AHCYL2: variants seen among roughly 807,000 people sequenced by gnomAD.
AHCYL2 encodes adenosylhomocysteinase like 2.
A neutral mutation model predicts 81.4 loss-of-function variants in AHCYL2; 28 were observed. The ratio of observed to expected loss-of-function variants is 0.34; its 90% CI spans 0.25 to 0.47. AHCYL2 has a LOEUF of 0.47. AHCYL2 is among the 20% of genes least tolerant of loss of function. The pLI is 1.00. For synonymous variants in AHCYL2, 272 were observed against 290.2 expected, an observed-to-expected ratio of 0.94 and a Z score of 0.64; for missense variants, 551 against 785.1, an observed-to-expected ratio of 0.70 and a Z score of 3.56.
chr7:129,310,575 T>C (rs953719442), intron 1 of AHCYL2, among the ~76,000 whole-genome samples: 1 of 152,218 alleles, frequency 6.6e-6, no homozygotes, highest in Non-Finnish European at 1.5e-5. Context: ...TGTTAAATGC[T>C]ATACAGATGT....
chr7:129,382,770 G>A (rs879309280), intron 2 of AHCYL2, among the ~76,000 whole-genome samples: 2 of 151,808 alleles, frequency 1.3e-5, no homozygotes, highest in Non-Finnish European at 2.9e-5. Context: ...GCCAGGTGTG[G>A]TGGCACATGC....
intron 1 of AHCYL2, among the ~76,000 whole-genome samples, chr7:129,372,008 G>GT (rs1245638583): frequency 6.6e-6 from 1 of 152,168 alleles, no homozygotes; most frequent in African/African-American, 2.4e-5. Context: ...GTCAGGATTG[G>GT]TGCTTAAAAC....
intron 1 of AHCYL2, among the ~76,000 whole-genome samples, chr7:129,299,924 C>G (rs1047677353): frequency 2.6e-5 from 4 of 152,096 alleles, no homozygotes; most frequent in Non-Finnish European, 5.9e-5. Context: ...AAGGAGAAGA[C>G]TCTTTTTAAA....
intron 1 of AHCYL2, among the ~76,000 whole-genome samples, chr7:129,239,612 T>A (rs1794772139): frequency 6.6e-6 from 1 of 152,016 alleles, no homozygotes; most frequent in Non-Finnish European, 1.5e-5. Context: ...TGTGCCCAGC[T>A]TCATGCTTCT....
chr7:129,267,697 A>C (rs557084047), intron 1 of AHCYL2, among the ~76,000 whole-genome samples: 104 of 152,280 alleles, frequency 6.8e-4, no homozygotes, highest in Non-Finnish European at 3.1e-4. Context: ...TAATCAGGCT[A>C]TTGTAATTAT....
intron 1 of AHCYL2, among the ~76,000 whole-genome samples, chr7:129,317,352 A>G (rs1311324675): frequency 6.6e-6 from 1 of 152,184 alleles, no homozygotes; most frequent in Non-Finnish European, 1.5e-5. Flanking sequence ...GTCAGTGTGG[A>G]TCCTCCAAGA....
chr7:129,316,062 A>T (rs1395989663), intron 1 of AHCYL2, among the ~76,000 whole-genome samples: 1 of 152,182 alleles, frequency 6.6e-6, no homozygotes, highest in South Asian at 2.1e-4. Context: ...TTGAAATGTG[A>T]TCTAGCAGTC....
intron 1 of AHCYL2, among the ~76,000 whole-genome samples, chr7:129,265,179 A>C (rs1424471544): frequency 6.6e-6 from 1 of 152,198 alleles, no homozygotes; most frequent in East Asian, 1.9e-4. Flanking sequence ...CATTGTTCTT[A>C]GTATGCTGCT....
At chr7:129,369,712 C>T (rs763904606) in intron 1 of AHCYL2, among the ~76,000 whole-genome samples, 15 of 152,056 alleles carry the variant, frequency 9.9e-5, no homozygotes, top group Admixed American at 1.3e-4. Context: ...ACCACCATAC[C>T]GGGTAATTTT....
chr7:129,311,577 C>A (rs890457969), intron 1 of AHCYL2, among the ~76,000 whole-genome samples: 1 of 152,020 alleles, frequency 6.6e-6, no homozygotes, highest in Non-Finnish European at 1.5e-5. Context: ...AACCCCACCC[C>A]CCACCGCGCC....
At chr7:129,359,000 T>C (rs1793840901) in intron 1 of AHCYL2, among the ~76,000 whole-genome samples, 1 of 152,170 alleles carries the variant, frequency 6.6e-6, no homozygotes, top group Non-Finnish European at 1.5e-5. Flanking sequence ...GTTCCCCTCC[T>C]AGATATATAT....
intron 1 of AHCYL2, among the ~76,000 whole-genome samples, chr7:129,351,330 CTT>C (rs929943716): frequency 2.6e-5 from 4 of 152,226 alleles, no homozygotes; most frequent in Admixed American, 2.6e-4. Context: ...GCCAAAAACA[CTT>C]TTATTTATAC....
chr7:129,243,323 G>A (rs1423572239), intron 1 of AHCYL2, among the ~76,000 whole-genome samples: 6 of 150,906 alleles, frequency 4.0e-5, no homozygotes, highest in Non-Finnish European at 8.9e-5. Flanking sequence ...ATGCCCAGCC[G>A]ACTATATTGT....
intron 1 of AHCYL2, among the ~76,000 whole-genome samples, chr7:129,307,902 A>T (rs1353734987): frequency 6.6e-6 from 1 of 151,728 alleles, no homozygotes; most frequent in Non-Finnish European, 1.5e-5. Context: ...CTGGAATGGG[A>T]CCTTATGATC....
intron 1 of AHCYL2, among the ~76,000 whole-genome samples, chr7:129,286,635 T>C (rs1796639587): frequency 6.6e-6 from 1 of 152,138 alleles, no homozygotes; most frequent in African/African-American, 2.4e-5. Context: ...TAATTGTTTG[T>C]ATTTTTAGTA....
At chr7:129,327,269 G>A (rs1015090666) in intron 1 of AHCYL2, among the ~76,000 whole-genome samples, 7 of 152,106 alleles carry the variant, frequency 4.6e-5, no homozygotes, top group Non-Finnish European at 7.4e-5. Context: ...TCCACCATAT[G>A]AGGATACAGC....
chr7:129,294,503 A>G (rs1267217186), intron 1 of AHCYL2, among the ~76,000 whole-genome samples: 3 of 152,208 alleles, frequency 2.0e-5, no homozygotes, highest in Non-Finnish European at 2.9e-5. Flanking sequence ...GGTAGATGGT[A>G]TATCAATTTT....
chr7:129,422,086 C>T (rs1032074053), intron 12 of AHCYL2, among the ~76,000 whole-genome samples: 1 of 152,250 alleles, frequency 6.6e-6, no homozygotes, highest in Non-Finnish European at 1.5e-5. Flanking sequence ...TAAGTCTACA[C>T]CCCGTGGCTG....
chr7:129,354,442 G>T (rs976422807), intron 1 of AHCYL2, among the ~76,000 whole-genome samples: 10 of 152,158 alleles, frequency 6.6e-5, no homozygotes, highest in African/African-American at 2.2e-4. Context: ...TATGACAGCT[G>T]GTATGGAGAC....
Sources: allele counts gnomAD v4.1 joint callset (sites outside exome capture counted in the v4.1 genomes callset), GRCh38; gene constraint gnomAD v4.1.1; transcripts MANE v1.5; gene names NCBI Gene and HGNC (gene_info 2026-07-23, HGNC 2026-07-21).